Variants in SNTG1 observed in about 807,000 individuals in gnomAD.
The protein encoded by SNTG1 is syntrophin gamma 1, also known as gamma-1-syntrophin.
In SNTG1, 39 loss-of-function variants were observed where a neutral mutation model predicts 74.7. That is an observed-to-expected ratio of 0.52 (90% CI 0.40 to 0.68). The LOEUF (loss-of-function observed/expected upper bound fraction) is 0.68, where lower values mean the gene tolerates loss of function less well. SNTG1 is among the 30% of genes least tolerant of loss of function. The pLI, the probability that SNTG1 is intolerant of heterozygous loss-of-function variation, is 0.00. For missense variants in SNTG1, 685 were observed against 609.5 expected (o/e 1.12, Z -1.30); for synonymous variants, 254 against 217.1 (o/e 1.17, Z -1.49).
chr8:49,964,172 A>C (rs948991617), intron 1 of SNTG1, among the ~76,000 whole-genome samples: 1 of 152,202 alleles, frequency 6.6e-6, no homozygotes, highest in Admixed American at 6.5e-5. Flanking sequence ...TAATATTTGA[A>C]TCAGTAGACT....
intron 1 of SNTG1, among the ~76,000 whole-genome samples, chr8:49,926,784 G>A (rs1202900352): frequency 6.6e-6 from 1 of 152,116 alleles, no homozygotes; most frequent in Admixed American, 6.6e-5. Flanking sequence ...GAAAGGCAAT[G>A]TCAAGAGAAT....
chr8:50,355,128 T>C (rs1050427140), intron 2 of SNTG1, among the ~76,000 whole-genome samples: 2 of 152,178 alleles, frequency 1.3e-5, no homozygotes, highest in African/African-American at 4.8e-5. Flanking sequence ...CTACACTATT[T>C]CCTTAAAACA....
chr8:50,767,367 G>A lies in SNTG1; in HGVS notation c.1395+15256G>A, dbSNP rs572742158. On this transcript the variant is annotated intron_variant, in intron 18 of 18. Coordinates refer to ENST00000642720, the MANE Select transcript of SNTG1 (RefSeq NM_018967.5). ...TCGTGTGGGTTTACATAGGAATTGG[G>A]AGAACTTTGTTTTATCTTTTTGCTG... is the stretch of plus-strand genomic sequence containing the variant. Among the ~76,000 whole-genome samples, 157 of 152,040 alleles carry A rather than the reference G, an allele frequency of 1.0e-3. 1 individual carries two copies. Among genetic ancestry groups the A allele is most frequent in the African/African-American group, 3.6e-3 (151 of 41,528 alleles).
intron 11 of SNTG1, among the ~76,000 whole-genome samples, chr8:50,548,050 A>T (rs762888752): frequency 1.3e-5 from 2 of 152,232 alleles, no homozygotes; most frequent in Non-Finnish European, 2.9e-5. Flanking sequence ...AACAAAGTAG[A>T]CAAGAGCAAC....
chr8:50,359,922 T>C (rs1191681375), intron 2 of SNTG1, among the ~76,000 whole-genome samples: 1 of 152,144 alleles, frequency 6.6e-6, no homozygotes, highest in Admixed American at 6.5e-5. Flanking sequence ...CATGAGTGTG[T>C]TACAGATTTT....
chr8:50,787,018 C>CTGAG (rs1433193898), intron 18 of SNTG1, among the ~76,000 whole-genome samples: 2 of 151,642 alleles, frequency 1.3e-5, no homozygotes, highest in Non-Finnish European at 2.9e-5. Context: ...AGCACTTGTG[C>CTGAG]TGAGTAATAC....
In SNTG1 at chr8:50,657,015, T is replaced by C. The variant is rs1008079532; in HGVS notation, c.956T>C (p.Leu319Pro). ...ALRGSCLYKFLAPPVTTWDWT... is the reference protein window; with the variant it reads ...ALRGSCLYKFPAPPVTTWDWT... ...AGGGGCTCATGTCTCTACAAGTTTC[T>C]GGCACCTCCAGTACGTGTTTTATTG... The change falls in exon 14 of 19, where the codon CTG becomes CCG. Residue 319 changes from leucine to proline, a missense_variant. Leu to Pro is a moderately conservative substitution (Grantham distance 98). Coordinates refer to ENST00000642720, the MANE Select transcript of SNTG1 (RefSeq NM_018967.5). The C allele has an allele frequency of 1.3e-6, 2 of 1,546,454 alleles. No individual in the cohort carries two copies. The highest frequency in any genetic ancestry group is 8.7e-7 in the Non-Finnish European group (1 of 1,149,374).
intron 12 of SNTG1, among the ~76,000 whole-genome samples, chr8:50,561,670 G>T (rs2094489178): frequency 6.6e-6 from 1 of 152,072 alleles, no homozygotes; most frequent in African/African-American, 2.4e-5. Flanking sequence ...CAGAACTAGA[G>T]ACACAAAATG....
At chr8:50,780,430 G>C (rs2095655563) in intron 18 of SNTG1, among the ~76,000 whole-genome samples, 1 of 152,124 alleles carries the variant, frequency 6.6e-6, no homozygotes, top group Non-Finnish European at 1.5e-5. Context: ...GTTTAGTCTT[G>C]GTAGCGTGTA....
At chr8:50,511,291 T>C (rs2094071533) in intron 9 of SNTG1, among the ~76,000 whole-genome samples, 1 of 152,208 alleles carries the variant, frequency 6.6e-6, no homozygotes. Flanking sequence ...GAGTTTGTTA[T>C]AATTTCTGTT....
intron 2 of SNTG1, among the ~76,000 whole-genome samples, chr8:50,265,478 T>C (rs1274629248): frequency 6.6e-6 from 1 of 152,074 alleles, no homozygotes; most frequent in Non-Finnish European, 1.5e-5. Context: ...CTGATCAACC[T>C]TATAAAGGGC....
intron 2 of SNTG1, among the ~76,000 whole-genome samples, chr8:50,392,860 T>C (rs1006010639): frequency 1.3e-5 from 2 of 152,260 alleles, no homozygotes; most frequent in South Asian, 2.1e-4. Flanking sequence ...ATACAGCATA[T>C]GAAACAAATA....
intron 1 of SNTG1, among the ~76,000 whole-genome samples, chr8:50,053,742 A>G (rs1819785384): frequency 6.6e-6 from 1 of 151,288 alleles, no homozygotes; most frequent in African/African-American, 2.4e-5. Context: ...GAACTTGTTC[A>G]ATGACTCCTC....
intron 5 of SNTG1, among the ~76,000 whole-genome samples, chr8:50,447,100 C>A (rs2093414805): frequency 6.6e-6 from 1 of 151,988 alleles, no homozygotes; most frequent in South Asian, 2.1e-4. Flanking sequence ...AAGTGAAACA[C>A]AAATAAGCAG....
chr8:50,448,887 G>T (rs1967007), intron 5 of SNTG1, among the ~76,000 whole-genome samples: 126,435 of 151,820 alleles, frequency 0.83, 53,122 homozygotes, highest in Non-Finnish European at 0.89. Context: ...ACAAAAATTA[G>T]CTGGGCATGG....
At chr8:50,262,169 T>C (rs1278168534) in intron 2 of SNTG1, among the ~76,000 whole-genome samples, 1 of 151,980 alleles carries the variant, frequency 6.6e-6, no homozygotes, top group African/African-American at 2.4e-5. Context: ...AAATGAAAAA[T>C]AGCATACTAA....
At position 50,683,056 on chromosome 8, in the gene SNTG1, G is replaced by A. The variant is rs572365323; in HGVS notation, c.1039-21544G>A. 4.6e-5 allele frequency among the ~76,000 whole-genome samples: 7 copies of A among 152,066 alleles called. No homozygotes were observed. In the East Asian group the frequency reaches 1.2e-3, roughly 25 times the overall value. On this transcript the variant is annotated intron_variant, in intron 15 of 18. Transcript: ENST00000642720. ...TAAGCATTTTCTTATTTGCTTTATG[G>A]TTTGTCTTGGTCCCACTCAAACCAA...
At chr8:50,420,938 T>C (rs1442001464) in intron 4 of SNTG1, among the ~76,000 whole-genome samples, 1 of 149,362 alleles carries the variant, frequency 6.7e-6, no homozygotes, top group Non-Finnish European at 1.5e-5. Flanking sequence ...GGCAGGAGAA[T>C]TGTTTGAACC....
At chr8:50,536,552 G>GT in intron 10 of SNTG1, 126 bp from the exon 11 acceptor site, 1 of 1,120,442 alleles carries the variant, frequency 8.9e-7, no homozygotes, top group Non-Finnish European at 1.3e-6. Flanking sequence ...TCTTCTCATG[G>GT]TATTCCATTA....
Sources: gnomAD v4.1 joint callset for allele counts (sites outside exome capture counted in the v4.1 genomes callset) on GRCh38, gnomAD v4.1.1 for gene constraint, MANE v1.5 for transcripts, NCBI Gene and HGNC (gene_info 2026-07-23, HGNC 2026-07-21) for gene names.